The following TTK variants were observed in gnomAD, a reference collection of about 807,000 sequenced individuals.
TTK encodes the protein dual specificity protein kinase TTK.
Under a neutral mutation model 117.3 loss-of-function variants are expected in TTK, and 59 were observed. That is an observed-to-expected ratio of 0.50 (90% confidence interval 0.41 to 0.62). The LOEUF (loss-of-function observed/expected upper bound fraction) is 0.62, where lower values mean the gene tolerates loss of function less well. Among genes scored for constraint, TTK ranks in the 20% least tolerant of loss-of-function variants. TTK has a pLI of 0.00. For synonymous variants in TTK, 302 were observed against 325.0 expected (o/e 0.93, Z 0.76); for missense variants, 921 against 989.4 (o/e 0.93, Z 0.93).
At chr6:80,021,323 T>G (rs1036362701) in intron 10 of TTK, among the ~76,000 whole-genome samples, 1 of 152,224 alleles carries the variant, frequency 6.6e-6, no homozygotes, top group African/African-American at 2.4e-5. Flanking sequence ...TGCGTTGGCC[T>G]GGTAGCCTGA....
rs1039971405 is a variant in TTK, at chr6:80,022,106, A to T, written c.1109-218A>T. ...TGGCAAGGTCTCTGACAAAGTTCTT[A>T]GTAACAATGTAGGAAGATGACTATA... On this transcript the variant is annotated intron_variant, in intron 10 of 21. Coordinates refer to ENST00000369798, the MANE Select transcript of TTK (RefSeq NM_003318.5). Among the ~76,000 whole-genome samples, 3 of 152,206 alleles carry T rather than the reference A, an allele frequency of 2.0e-5. No individual in the cohort carries two copies. The South Asian group carries it at 6.2e-4, about 32-fold the overall frequency.
rs554704238 is a variant in TTK, at chr6:80,013,199, C to G, written c.897-80C>G. On this transcript the variant is annotated intron_variant, in intron 8 of 21. Coordinates refer to ENST00000369798, the MANE Select transcript of TTK (RefSeq NM_003318.5). Reference sequence around the variant, plus strand: ...AAAAAGTATGTATATTATTAAAAATCCAACTTGAGATGAAAAAATACATTG... The same window carrying G: ...AAAAAGTATGTATATTATTAAAAATGCAACTTGAGATGAAAAAATACATTG... 662 of 1,165,342 alleles carry G rather than the reference C, an allele frequency of 5.7e-4. 7 individuals are homozygous for G. Among genetic ancestry groups the G allele is most frequent in the Non-Finnish European group, 9.4e-5 (77 of 819,790 alleles). 72.2% of individuals were successfully genotyped at this position (1,165,342 alleles called of 1,614,324 possible).
chr6:80,020,202 G>A (rs980168387), intron 10 of TTK, among the ~76,000 whole-genome samples: 26 of 152,172 alleles, frequency 1.7e-4, no homozygotes, highest in African/African-American at 6.3e-4. Flanking sequence ...ATTGGAACCT[G>A]TTCACATGGC....
intron 11 of TTK, among the ~76,000 whole-genome samples, chr6:80,023,856 A>G (rs1035503526): frequency 6.6e-6 from 1 of 152,176 alleles, no homozygotes; most frequent in Non-Finnish European, 1.5e-5. Context: ...TGAGAAAGGT[A>G]AATATTGTCA....
At chr6:80,009,939 G>A (rs1486374951) in intron 4 of TTK, among the ~76,000 whole-genome samples, 1 of 151,818 alleles carries the variant, frequency 6.6e-6, no homozygotes. Context: ...CTCTTTTCTT[G>A]TGCTAAAATA....
intron 12 of TTK, 95 bp from the exon 13 acceptor site, chr6:80,027,789 CT>C: frequency 1.0e-6 from 1 of 957,284 alleles, no homozygotes; most frequent in Non-Finnish European, 1.5e-6. Context: ...TGATGTAACA[CT>C]TTTAAGTTTA....
rs1767035469 is a variant in TTK, at chr6:80,007,847, A to G, written c.178A>G (p.Asn60Asp). 5.6e-6 allele frequency: 9 copies of G among 1,612,612 alleles called. No homozygotes were observed. Among genetic ancestry groups the G allele is most frequent in the African/African-American group, 1.3e-5 (1 of 74,892 alleles). The change falls in exon 3 of 22, where the codon AAC (asparagine) becomes GAC (aspartate). Residue 60 changes from asparagine to aspartate, a missense_variant. Asn to Asp is a conservative substitution (Grantham distance 23). Transcript: ENST00000369798. ...GTVNQIMMMA[N>D]NPEDWLSLLL... Reference sequence around the variant, plus strand: ...TGTTAACCAAATTATGATGATGGCAAACAACCCAGAGGACTGGTTGAGTTT... The same window carrying G: ...TGTTAACCAAATTATGATGATGGCAGACAACCCAGAGGACTGGTTGAGTTT...
rs550315637 is a variant in TTK, at chr6:80,009,695, A to G, written c.470-1119A>G. Among the ~76,000 whole-genome samples, 492 of 152,182 alleles carry G rather than the reference A, an allele frequency of 3.2e-3. 3 individuals carry two copies. Among genetic ancestry groups the G allele is most frequent in the African/African-American group, 0.011 (466 of 41,554 alleles). ...TGTGGTAGTAATGCACAGTGATGCA[A>G]TGTGGTCAAATGCATTGCACAGTAA... On this transcript the variant is annotated intron_variant, in intron 4 of 21. Coordinates refer to ENST00000369798, the MANE Select transcript of TTK (RefSeq NM_003318.5).
At chr6:80,026,094 C>G (rs1477514746) in intron 11 of TTK, among the ~76,000 whole-genome samples, 1 of 152,112 alleles carries the variant, frequency 6.6e-6, no homozygotes, top group Non-Finnish European at 1.5e-5. Context: ...TACAATAGCT[C>G]TGATGGAAGA....
At chr6:80,027,253 C>T (rs1358360709) in intron 12 of TTK, among the ~76,000 whole-genome samples, 1 of 152,106 alleles carries the variant, frequency 6.6e-6, no homozygotes, top group Admixed American at 6.6e-5. Context: ...CTCTTACCTA[C>T]TTAATATAGT....
At chr6:80,021,448 C>T (rs1006690941) in intron 10 of TTK, among the ~76,000 whole-genome samples, 18 of 152,132 alleles carry the variant, frequency 1.2e-4, no homozygotes, top group African/African-American at 3.4e-4. Flanking sequence ...ACATTTGTAA[C>T]TGACTCAAGT....
At chr6:80,005,600 C>T (rs1766969437) in intron 1 of TTK, among the ~76,000 whole-genome samples, 1 of 152,010 alleles carries the variant, frequency 6.6e-6, no homozygotes, top group East Asian at 1.9e-4. Flanking sequence ...TACAGTGTGA[C>T]GTCATTGATG....
chr6:80,032,914 A>C (rs61795), intron 14 of TTK, among the ~76,000 whole-genome samples: 2 of 151,934 alleles, frequency 1.3e-5, no homozygotes, highest in Admixed American at 1.3e-4. Flanking sequence ...TTAGCTTTTT[A>C]AATACAATAT....
intron 4 of TTK, among the ~76,000 whole-genome samples, chr6:80,009,864 T>C (rs1767097280): frequency 6.6e-6 from 1 of 152,084 alleles, no homozygotes; most frequent in African/African-American, 2.4e-5. Flanking sequence ...TTTTACCAGA[T>C]TCTTAAAGAA....
intron 11 of TTK, among the ~76,000 whole-genome samples, chr6:80,025,603 G>A (rs750202999): frequency 6.6e-6 from 1 of 152,206 alleles, no homozygotes; most frequent in Non-Finnish European, 1.5e-5. Context: ...TTTATGTAAA[G>A]GGTTAGCAGG....
chr6:80,026,357 G>T (rs755368515), intron 11 of TTK, 21 bp from the exon 12 acceptor site: 14 of 1,597,388 alleles, frequency 8.8e-6, no homozygotes, highest in African/African-American at 1.4e-5. Flanking sequence ...CTAAATCATG[G>T]TGTTCTTTAT....
Position 80,035,003 on chromosome 6 carries a change from G to T in TTK, c.1633G>T (p.Glu545Ter). Reference protein sequence around the residue: ...GSSKVFQVLNEKKQIYAIKYV... With the variant: ...GSSKVFQVLN ...TCTGTAGGTATTTCAGGTGTTAAATGAAAAGAAACAGATATATGCTATAAA... is the reference window on the plus strand; with the variant it reads ...TCTGTAGGTATTTCAGGTGTTAAATTAAAAGAAACAGATATATGCTATAAA... Residue 545 changes from glutamate (E) to a stop codon, truncating the protein, a stop_gained, in exon 15 of 22, where the codon GAA becomes TAA. Coordinates refer to ENST00000369798, the MANE Select transcript of TTK (RefSeq NM_003318.5). LOFTEE classifies it high-confidence loss of function. The T allele has an allele frequency of 6.4e-7, 1 of 1,569,914 alleles. No homozygotes were observed. The highest frequency in any genetic ancestry group is 1.2e-5 in the South Asian group (1 of 81,946).
chr6:80,035,204 T>C (rs1767863447), intron 15 of TTK, 62 bp downstream of exon 15: 5 of 1,534,690 alleles, frequency 3.3e-6, no homozygotes, highest in Non-Finnish European at 4.4e-6. Flanking sequence ...GGTAAATATT[T>C]AGTAAACTTT....
intron 10 of TTK, among the ~76,000 whole-genome samples, chr6:80,021,834 A>G (rs998099497): frequency 6.6e-6 from 1 of 152,132 alleles, no homozygotes; most frequent in African/African-American, 2.4e-5. Flanking sequence ...ATTTCTAAGC[A>G]AGTACGTAAT....
Sources: allele counts gnomAD v4.1 joint callset (sites outside exome capture counted in the v4.1 genomes callset), GRCh38; gene constraint gnomAD v4.1.1; transcripts MANE v1.5; gene names NCBI Gene and HGNC (gene_info 2026-07-23, HGNC 2026-07-21).